Variants in GTF3C2 observed in about 807,000 individuals in gnomAD.
GTF3C2 encodes general transcription factor IIIC subunit 2.
GTF3C2 carries 17 observed loss-of-function variants against 117.4 expected under a neutral mutation model. That is an observed-to-expected ratio of 0.14 (90% CI 0.10 to 0.22). GTF3C2 has a LOEUF of 0.22. GTF3C2 is among the 10% of genes least tolerant of loss of function. The probability of loss-of-function intolerance (pLI) is 1.00; values close to 1 mark genes in which losing one functional copy is unlikely to be tolerated. For missense variants in GTF3C2, 888 were observed against 1,143.6 expected (o/e 0.78, Z 3.22); for synonymous variants, 437 against 427.0 (o/e 1.02, Z -0.29).
chr2:27,331,053 AC>A, intron 12 of GTF3C2, among the ~76,000 whole-genome samples: 2 of 152,348 alleles, frequency 1.3e-5, no homozygotes, highest in South Asian at 4.1e-4. Context: ...GCACCTATGA[AC>A]CTTTCTTGAA....
At chr2:27,326,290 C>A (rs1680070440) in exon 19 of GTF3C2, 1 of 470,866 alleles carries the variant, frequency 2.1e-6, no homozygotes, top group African/African-American at 2.0e-5. Context: ...CATGCAGATA[C>A]CCTTTTCAGT....
intron 1 of GTF3C2, among the ~76,000 whole-genome samples, chr2:27,353,145 A>C (rs951040279): frequency 1.3e-5 from 2 of 152,190 alleles, no homozygotes; most frequent in African/African-American, 2.4e-5. Context: ...CTGTAATCTC[A>C]GCACTTTGGG....
chr2:27,341,992 C>T, exon 4 of GTF3C2: 1 of 1,614,168 alleles, frequency 6.2e-7, no homozygotes, highest in Non-Finnish European at 8.5e-7. Context: ...ACTACAGGCT[C>T]AGGTTCAGAT....
At chr2:27,348,854 G>A (rs1295682189) in intron 1 of GTF3C2, among the ~76,000 whole-genome samples, 1 of 152,106 alleles carries the variant, frequency 6.6e-6, no homozygotes, top group African/African-American at 2.4e-5. Context: ...ATTTATTTTT[G>A]AAATGGAGTC....
chr2:27,326,487 C>T, exon 19 of GTF3C2: 1 of 606,996 alleles, frequency 1.6e-6, no homozygotes, highest in Non-Finnish European at 3.0e-6. Flanking sequence ...GCCCCCCTGC[C>T]CGCAGGGGGC....
intron 4 of GTF3C2, chr2:27,340,775 C>T (rs530838871): frequency 5.3e-5 from 8 of 152,030 alleles, no homozygotes; most frequent in Admixed American, 1.3e-4. Flanking sequence ...CGTGCGCCAC[C>T]ACATCCAGCT....
At chr2:27,342,001 A>G (rs1296640436) in exon 4 of GTF3C2, 8 of 1,613,982 alleles carry the variant, frequency 5.0e-6, no homozygotes, top group Non-Finnish European at 6.8e-6. Flanking sequence ...TCAGGTTCAG[A>G]TGAGCTCTCA....
At chr2:27,332,282 A>G (rs1260671814) in intron 12 of GTF3C2, among the ~76,000 whole-genome samples, 1 of 152,056 alleles carries the variant, frequency 6.6e-6, no homozygotes, top group East Asian at 1.9e-4. Flanking sequence ...AAGTGCTGGG[A>G]TTACAGGTGT....
chr2:27,331,121 G>A (rs1399955771), intron 12 of GTF3C2, among the ~76,000 whole-genome samples: 1 of 152,110 alleles, frequency 6.6e-6, no homozygotes, highest in Non-Finnish European at 1.5e-5. Flanking sequence ...GCAATTGGAG[G>A]GGAGACTAAG....
At position 27,333,966 on chromosome 2, in the gene GTF3C2, T is replaced by A; in HGVS notation, c.1602+8A>T. ...AGCCTCAGCTAAGGTAGCAGGTTCC[T>A]CACTCACCTTATATATGGCAGGCTT... On this transcript the variant is annotated splice_region_variant and intron_variant, in intron 11 of 18. Transcript: ENST00000264720. The A allele has an allele frequency of 6.2e-7, 1 of 1,602,716 alleles. No homozygotes were observed. The highest frequency in any genetic ancestry group is 8.5e-7 in the Non-Finnish European group (1 of 1,169,748).
In GTF3C2 at chr2:27,328,832, A is replaced by AG. The variant is rs556571385; in HGVS notation, c.2127+11dup. On this transcript the variant is annotated intron_variant, in intron 15 of 18. Coordinates refer to ENST00000264720, the Ensembl canonical transcript of GTF3C2. ...CTTTGTAATGAAGACTGCAAAAGAA[A>AG]GGGGGGCTCACCCAAACGGTGCCTT... The AG allele has an allele frequency of 9.4e-6, 15 of 1,597,686 alleles. No individual in the cohort carries two copies. The East Asian group carries it at 2.0e-4, about 21-fold the overall frequency.
At chr2:27,333,724 C>G in exon 12 of GTF3C2, 1 of 1,611,036 alleles carries the variant, frequency 6.2e-7, no homozygotes, top group Non-Finnish European at 8.5e-7. Flanking sequence ...AGGCACTGAC[C>G]ACACTCAGAG....
chr2:27,351,295 T>G (rs1226474670), intron 1 of GTF3C2, among the ~76,000 whole-genome samples: 1 of 152,028 alleles, frequency 6.6e-6, no homozygotes, highest in Non-Finnish European at 1.5e-5. Context: ...GCACTTGTAG[T>G]CCCAGCTACT....
chr2:27,346,330 C>T (rs9711708), intron 1 of GTF3C2, among the ~76,000 whole-genome samples: 15 of 64,302 alleles, frequency 2.3e-4, no homozygotes, highest in African/African-American at 1.8e-4. Flanking sequence ...ATTCTGATAC[C>T]TTTTTTTTTT....
intron 1 of GTF3C2, among the ~76,000 whole-genome samples, chr2:27,343,937 CAATA>C (rs1466698546): frequency 6.6e-6 from 1 of 150,576 alleles, no homozygotes; most frequent in Non-Finnish European, 1.5e-5. Flanking sequence ...GGTGATATGA[CAATA>C]AACAAGACAG....
At chr2:27,341,862 C>A in intron 4 of GTF3C2, 86 bp downstream of exon 4, 1 of 1,176,832 alleles carries the variant, frequency 8.5e-7, no homozygotes, top group South Asian at 1.4e-5. Context: ...GTTACCAGGT[C>A]AAAGCTGTCC....
chr2:27,333,158 CTTTTT>C (rs1199330474), intron 12 of GTF3C2, among the ~76,000 whole-genome samples: 4 of 130,172 alleles, frequency 3.1e-5, no homozygotes, highest in African/African-American at 5.8e-5. Context: ...GGCATCTACT[CTTTTT>C]TTTTTTTTTT....
At chr2:27,326,471 G>C in exon 19 of GTF3C2, 1 of 599,560 alleles carries the variant, frequency 1.7e-6, no homozygotes, top group Non-Finnish European at 3.0e-6. Context: ...AGTTGGTGGA[G>C]GGAGAGCCCC....
intron 4 of GTF3C2, chr2:27,341,701 T>G: frequency 2.0e-6 from 1 of 498,312 alleles, no homozygotes; most frequent in Non-Finnish European, 3.6e-6. Flanking sequence ...CACTGTCTTA[T>G]TTACGTTTGT....
Sources: allele counts gnomAD v4.1 joint callset (sites outside exome capture counted in the v4.1 genomes callset), GRCh38; gene constraint gnomAD v4.1.1; transcripts MANE v1.5; gene names NCBI Gene and HGNC (gene_info 2026-07-23, HGNC 2026-07-21).